The following GALR2 variants were observed in gnomAD, a reference collection of about 807,000 sequenced individuals.
The protein encoded by GALR2 is galanin receptor type 2.
Under a neutral mutation model 7.2 loss-of-function variants are expected in GALR2, and 5 were observed. That is an observed-to-expected ratio of 0.69 (90% CI 0.36 to 1.45). GALR2 has a LOEUF of 1.45. GALR2 is among the 40% of genes most tolerant of loss of function. The pLI is 0.03. For missense variants in GALR2, 561 were observed against 555.7 expected (o/e 1.01, Z -0.10); for synonymous variants, 300 against 263.9 (o/e 1.14, Z -1.32).
chr17:76,077,392 A>G lies in GALR2; in HGVS notation c.1125A>G (p.Pro375=). 2 of 1,470,810 alleles carry G rather than the reference A, an allele frequency of 1.4e-6. No homozygotes were observed. The highest frequency in any genetic ancestry group is 1.8e-6 in the Non-Finnish European group (2 of 1,117,868). 91.1% of individuals were successfully genotyped at this position (1,470,810 alleles called of 1,614,324 possible). A position where few individuals can be genotyped will look rare whatever the true frequency, so the allele number is the denominator to read the frequency against. ...GTCCTGGCCCGTCCTGGCAGGGCCC[A>G]AAGGCAGGCGACAGCATCCTGACGG... The part of the protein sequence containing the change: ...EPCPGPSWQG[P]KAGDSILTVD... The change falls in exon 2 of 2, where the codon CCA becomes CCG. Residue 375 remains proline, a synonymous_variant. Coordinates refer to ENST00000329003, the MANE Select transcript of GALR2 (RefSeq NM_003857.4).
At chr17:76,072,432 ACCGCCGCCGCCACTG>A (rs1555630576), upstream of GALR2, 4 of 1,585,376 alleles carry the variant, frequency 2.5e-6, no homozygotes, top group African/African-American at 1.4e-5. This position sits in a 1 kb window ranked among gnomAD's most constrained non-coding sequence, Gnocchi z 4.5. Context: ...CGCCACTGCC[ACCGCCGCCGCCACTG>A]CCGCCGCCGC....
chr17:76,076,471 C>T lies in GALR2; in HGVS notation c.369-165C>T, dbSNP rs1414565120. Reference sequence around the variant, plus strand: ...CTGGGACACGCTGGGAGGCCCCCACCTCCGCCCTCACGCCGAGCCTCACCC... The same window carrying T: ...CTGGGACACGCTGGGAGGCCCCCACTTCCGCCCTCACGCCGAGCCTCACCC... On this transcript the variant is annotated intron_variant, in intron 1 of 1. Coordinates refer to ENST00000329003, the MANE Select transcript of GALR2 (RefSeq NM_003857.4). This position sits in a 1 kb window ranked among gnomAD's most constrained non-coding sequence, Gnocchi z 6.5. Among the ~76,000 whole-genome samples the T allele has an allele frequency of 2.0e-5, 3 of 152,228 alleles. No homozygotes were observed. Among genetic ancestry groups the T allele is most frequent in the Non-Finnish European group, 4.4e-5 (3 of 68,042 alleles).
rs2066897850 is a variant in GALR2, at chr17:76,077,454, G to C, written c.*23G>C. 1.4e-5 allele frequency: 20 copies of C among 1,441,028 alleles called. No homozygotes were observed. The highest frequency in any genetic ancestry group is 2.9e-5 in the African/African-American group (2 of 69,738). 89.3% of individuals were successfully genotyped at this position (1,441,028 alleles called of 1,614,324 possible). A position where few individuals can be genotyped will look rare whatever the true frequency, so the allele number is the denominator to read the frequency against. ...TGAAAGCACTTAGCGGGCGCGCTGG[G>C]ATGTCACAGAGTTGGAGTCATTGTT... On this transcript the variant is annotated 3_prime_UTR_variant, in exon 2 of 2. Coordinates refer to ENST00000329003, the MANE Select transcript of GALR2 (RefSeq NM_003857.4).
In GALR2 at chr17:76,074,972, T is replaced by C. The variant is rs1370536079; in HGVS notation, c.89T>C (p.Leu30Pro). ...CACCCCGAGGCGGTCATCGTGCCCC[T>C]GCTCTTCGCGCTCATCTTCCTCGTG... ...GWHPEAVIVP[L>P]LFALIFLVGT... The change falls in exon 1 of 2, where the codon CTG becomes CCG. Residue 30 changes from leucine to proline, a missense_variant. Leu to Pro is a moderately conservative substitution (Grantham distance 98). Transcript: ENST00000329003. The surrounding 1 kb of genome is among the most constrained non-coding windows in gnomAD (Gnocchi z 6.7). 1 of 1,599,008 alleles carries C rather than the reference T, an allele frequency of 6.3e-7. No homozygotes were observed. The highest frequency in any genetic ancestry group is 8.5e-7 in the Non-Finnish European group (1 of 1,177,968).
In GALR2 at chr17:76,074,974, C is replaced by G. The variant is rs756868625; in HGVS notation, c.91C>G (p.Leu31Val). The change falls in exon 1 of 2, where the codon CTC becomes GTC. Residue 31 changes from leucine (L) to valine (V), a missense_variant. Physicochemically the swap from Leu to Val is conservative, Grantham distance 32. Coordinates refer to ENST00000329003, the MANE Select transcript of GALR2 (RefSeq NM_003857.4). This position sits in a 1 kb window ranked among gnomAD's most constrained non-coding sequence, Gnocchi z 6.7. Reference sequence around the variant, plus strand: ...CCCCGAGGCGGTCATCGTGCCCCTGCTCTTCGCGCTCATCTTCCTCGTGGG... The same window carrying G: ...CCCCGAGGCGGTCATCGTGCCCCTGGTCTTCGCGCTCATCTTCCTCGTGGG... ...WHPEAVIVPL[L>V]FALIFLVGTV... 1 of 1,599,986 alleles carries G rather than the reference C, an allele frequency of 6.3e-7. No individual in the cohort carries two copies. The highest frequency in any genetic ancestry group is 1.3e-5 in the African/African-American group (1 of 74,776).
Position 76,076,920 on chromosome 17 carries a change from T to C in GALR2, c.653T>C (p.Val218Ala). 1 of 1,602,010 alleles carries C rather than the reference T, an allele frequency of 6.2e-7. No homozygotes were observed. Among genetic ancestry groups the C allele is most frequent in the Non-Finnish European group, 8.5e-7 (1 of 1,178,486 alleles). ...ARTLRYLWRA[V>A]DPVAAGSGAR... ...ACCTTGCGCTACCTCTGGCGCGCCG[T>C]CGACCCGGTGGCCGCGGGCTCGGGT... The change falls in exon 2 of 2, where the codon GTC becomes GCC. Residue 218 changes from valine to alanine, a missense_variant. Coordinates refer to ENST00000329003, the MANE Select transcript of GALR2 (RefSeq NM_003857.4). This position sits in a 1 kb window ranked among gnomAD's most constrained non-coding sequence, Gnocchi z 6.5.
chr17:76,077,250 G>A lies in GALR2; in HGVS notation c.983G>A (p.Gly328Asp). Residue 328 changes from glycine to aspartate, a missense_variant, in exon 2 of 2, where the codon GGC (glycine) becomes GAC (aspartate). Physicochemically the swap from Gly to Asp is moderately conservative, Grantham distance 94. Coordinates refer to ENST00000329003, the MANE Select transcript of GALR2 (RefSeq NM_003857.4). ...ASGRVCAAAR[G>D]THSGSVLERE... ...GGCCGTGTGTGCGCTGCCGCGCGGG[G>A]CACCCACAGTGGCAGCGTGTTGGAG... 1.2e-6 allele frequency: 2 copies of A among 1,604,542 alleles called. No homozygotes were observed. Among genetic ancestry groups the A allele is most frequent in the Non-Finnish European group, 1.7e-6 (2 of 1,177,174 alleles).
upstream of GALR2, chr17:76,072,413 T>TACCGCCGCC: frequency 6.3e-7 from 1 of 1,596,332 alleles, no homozygotes. The surrounding 1 kb of genome is among the most constrained non-coding windows in gnomAD (Gnocchi z 4.5). Flanking sequence ...CCACCGCCGC[T>TACCGCCGCC]ACCGCCGCCG....
At position 76,076,915 on chromosome 17, in the gene GALR2, C is replaced by A; in HGVS notation, c.648C>A (p.Arg216=). 1 of 1,601,792 alleles carries A rather than the reference C, an allele frequency of 6.2e-7. No individual in the cohort carries two copies. The highest frequency in any genetic ancestry group is 1.3e-5 in the African/African-American group (1 of 74,960). ...CGCGCACCTTGCGCTACCTCTGGCGCGCCGTCGACCCGGTGGCCGCGGGCT... is the reference window on the plus strand; with the variant it reads ...CGCGCACCTTGCGCTACCTCTGGCGAGCCGTCGACCCGGTGGCCGCGGGCT... ...TYARTLRYLW[R]AVDPVAAGSG... Residue 216 remains arginine (R), a synonymous_variant, in exon 2 of 2, where the codon CGC becomes CGA. Coordinates refer to ENST00000329003, the MANE Select transcript of GALR2 (RefSeq NM_003857.4). The surrounding 1 kb of genome is among the most constrained non-coding windows in gnomAD (Gnocchi z 6.5).
chr17:76,074,979 C>G lies in GALR2; in HGVS notation c.96C>G (p.Phe32Leu), dbSNP rs145845925. ...AGGCGGTCATCGTGCCCCTGCTCTT[C>G]GCGCTCATCTTCCTCGTGGGCACCG... ...HPEAVIVPLL[F>L]ALIFLVGTVG... The change falls in exon 1 of 2, where the codon TTC becomes TTG. Residue 32 changes from phenylalanine (F) to leucine (L), a missense_variant. By Grantham distance (22) the Phe-to-Leu change is conservative. Transcript: ENST00000329003. This position sits in a 1 kb window ranked among gnomAD's most constrained non-coding sequence, Gnocchi z 6.7. The G allele has an allele frequency of 1.2e-6, 2 of 1,602,038 alleles. No individual in the cohort carries two copies. Among genetic ancestry groups the G allele is most frequent in the African/African-American group, 2.7e-5 (2 of 74,800 alleles).
rs2066885663 is a variant in GALR2 at position 76,075,766 on chromosome 17, T to C, written c.368+515T>C. Among the ~76,000 whole-genome samples the C allele has an allele frequency of 6.6e-6, 1 of 152,172 alleles. No homozygotes were observed. The highest frequency in any genetic ancestry group is 2.4e-5 in the African/African-American group (1 of 41,446). On this transcript the variant is annotated intron_variant, in intron 1 of 1. Coordinates refer to ENST00000329003, the MANE Select transcript of GALR2 (RefSeq NM_003857.4). The surrounding 1 kb of genome is among the most constrained non-coding windows in gnomAD (Gnocchi z 5.9). ...CTGGCTCAGGTCCAGGCTGTGGATC[T>C]TGGGTCCTTTGCAAGGATCCACTCC...
chr17:76,072,173 A>C, upstream of GALR2: 1 of 1,512,938 alleles, frequency 6.6e-7, no homozygotes. This position sits in a 1 kb window ranked among gnomAD's most constrained non-coding sequence, Gnocchi z 4.5. Context: ...CTGAGCACCA[A>C]AAGGTAAGGG....
rs556616591 is a variant in GALR2 at position 76,076,150 on chromosome 17, C to T, written c.369-486C>T. Among the ~76,000 whole-genome samples, 6 of 152,352 alleles carry T rather than the reference C, an allele frequency of 3.9e-5. No individual in the cohort carries two copies. Among genetic ancestry groups the T allele is most frequent in the African/African-American group, 1.2e-4 (5 of 41,590 alleles). ...GCGCGCTGGTGGGATCCACAAAGCT[C>T]GCATTCTCTCAGGAATCCCCTGAGA... On this transcript the variant is annotated intron_variant, in intron 1 of 1. Transcript: ENST00000329003. The surrounding 1 kb of genome is among the most constrained non-coding windows in gnomAD (Gnocchi z 6.5).
In GALR2 at chr17:76,077,451, T is replaced by G; in HGVS notation, c.*20T>G. 1 of 1,441,392 alleles carries G rather than the reference T, an allele frequency of 6.9e-7. No individual in the cohort carries two copies. 89.3% of individuals were successfully genotyped at this position (1,441,392 alleles called of 1,614,324 possible). A position where few individuals can be genotyped will look rare whatever the true frequency, so the allele number is the denominator to read the frequency against. On this transcript the variant is annotated 3_prime_UTR_variant, in exon 2 of 2. Transcript: ENST00000329003. ...GCCTGAAAGCACTTAGCGGGCGCGC[T>G]GGGATGTCACAGAGTTGGAGTCATT...
chr17:76,074,952 C>G lies in GALR2; in HGVS notation c.69C>G (p.Pro23=), dbSNP rs775993279. 125 of 1,578,534 alleles carry G rather than the reference C, an allele frequency of 7.9e-5. No individual in the cohort carries two copies. The Middle Eastern group carries it at 1.4e-3, about 17-fold the overall frequency. ...SQAGGGGGWH[P]EAVIVPLLFA... Reference sequence around the variant, plus strand: ...CGGGCGGCGGGGGAGGCTGGCACCCCGAGGCGGTCATCGTGCCCCTGCTCT... The same window carrying G: ...CGGGCGGCGGGGGAGGCTGGCACCCGGAGGCGGTCATCGTGCCCCTGCTCT... Residue 23 remains proline, a synonymous_variant, in exon 1 of 2, where the codon CCC becomes CCG. Coordinates refer to ENST00000329003, the MANE Select transcript of GALR2 (RefSeq NM_003857.4). This position sits in a 1 kb window ranked among gnomAD's most constrained non-coding sequence, Gnocchi z 6.7.
Position 76,075,242 on chromosome 17 carries a change from C to T in GALR2, c.359C>T (p.Ser120Phe). The change falls in exon 1 of 2, where the codon TCC becomes TTC. Residue 120 changes from serine (S) to phenylalanine (F), a missense_variant. Transcript: ENST00000329003. This position sits in a 1 kb window ranked among gnomAD's most constrained non-coding sequence, Gnocchi z 5.9. ...HASSFTLAAVSLDRYLAIRYP... is the reference protein window; with the variant it reads ...HASSFTLAAVFLDRYLAIRYP... ...AGCAGCTTCACGCTGGCCGCCGTCT[C>T]CCTGGACAGGTGAGCCAGCGCCTTG... 2 of 1,601,524 alleles carry T rather than the reference C, an allele frequency of 1.2e-6. No individual in the cohort carries two copies. Among genetic ancestry groups the T allele is most frequent in the South Asian group, 2.2e-5 (2 of 90,874 alleles).
upstream of GALR2, chr17:76,072,090 G>C (rs963972634): frequency 3.4e-6 from 3 of 882,010 alleles, no homozygotes; most frequent in East Asian, 2.8e-5. The surrounding 1 kb of genome is among the most constrained non-coding windows in gnomAD (Gnocchi z 4.5). Flanking sequence ...GCCACTGGAA[G>C]AAACGGACCT....
chr17:76,072,519 G>A (rs1483392577), upstream of GALR2: 1 of 1,567,650 alleles, frequency 6.4e-7, no homozygotes. The surrounding 1 kb of genome is among the most constrained non-coding windows in gnomAD (Gnocchi z 4.5). Flanking sequence ...GAGCAAGACG[G>A]GATAGGGGAG....
upstream of GALR2, chr17:76,072,156 C>T (rs1169736079): frequency 6.9e-7 from 1 of 1,450,642 alleles, no homozygotes; most frequent in Non-Finnish European, 9.3e-7. The surrounding 1 kb of genome is among the most constrained non-coding windows in gnomAD (Gnocchi z 4.5). Flanking sequence ...AGACCCCCCC[C>T]GGAATTCTGA....
Sources: allele counts gnomAD v4.1 joint callset (sites outside exome capture counted in the v4.1 genomes callset), GRCh38; gene constraint gnomAD v4.1.1; non-coding constraint Gnocchi (gnomAD v3.1); transcripts MANE v1.5; gene names NCBI Gene and HGNC (gene_info 2026-07-23, HGNC 2026-07-21).